ACAP2: variants seen among roughly 807,000 people sequenced by gnomAD.
ACAP2 encodes the protein ArfGAP with coiled-coil, ankyrin repeat and PH domains 2, also known as arf-GAP with coiled-coil, ANK repeat and PH domain-containing protein 2.
Under a neutral mutation model 115.8 loss-of-function variants are expected in ACAP2, and 39 were observed. That is an observed-to-expected ratio of 0.34 (90% confidence interval 0.26 to 0.44). The LOEUF is 0.44. Among genes scored for constraint, ACAP2 ranks in the 20% least tolerant of loss-of-function variants. The probability of loss-of-function intolerance (pLI) is 1.00; values close to 1 mark genes in which losing one functional copy is unlikely to be tolerated. For synonymous variants in ACAP2, 289 were observed against 315.8 expected (o/e 0.92, Z 0.90); for missense variants, 662 against 927.6 (o/e 0.71, Z 3.72).
intron 1 of ACAP2, among the ~76,000 whole-genome samples, chr3:195,407,201 A>T (rs1258608302): frequency 9.3e-5 from 3 of 32,318 alleles, no homozygotes. Flanking sequence ...TTTTTAGTTT[A>T]AAAAAAAAAA....
At chr3:195,388,747 C>T (rs912028460) in intron 2 of ACAP2, among the ~76,000 whole-genome samples, 2 of 152,168 alleles carry the variant, frequency 1.3e-5, no homozygotes, top group Non-Finnish European at 2.9e-5. Flanking sequence ...TTGAGCTGGG[C>T]ATGGGGGCTC....
At chr3:195,383,414 G>A (rs959282965) in intron 2 of ACAP2, among the ~76,000 whole-genome samples, 3 of 152,050 alleles carry the variant, frequency 2.0e-5, no homozygotes, top group Admixed American at 6.6e-5. Context: ...ACTCCAGCCA[G>A]TGGGGGAAAA....
chr3:195,283,769 C>CA (rs1726658808), intron 22 of ACAP2, among the ~76,000 whole-genome samples: 1 of 152,156 alleles, frequency 6.6e-6, no homozygotes, highest in African/African-American at 2.4e-5. Flanking sequence ...AGATGATCCT[C>CA]AAATAAATCA....
At chr3:195,289,008 A>G in intron 21 of ACAP2, 113 bp downstream of exon 21, 1 of 701,696 alleles carries the variant, frequency 1.4e-6, no homozygotes, top group Non-Finnish European at 2.4e-6. Context: ...AAGGGACATG[A>G]GCATATGTGG....
chr3:195,370,449 C>T lies in ACAP2; in HGVS notation c.285+10560G>A, dbSNP rs188323110. Among the ~76,000 whole-genome samples, 513 of 152,254 alleles carry T rather than the reference C, an allele frequency of 3.4e-3. 4 individuals are homozygous for T. Among genetic ancestry groups the T allele is most frequent in the Admixed American group, 8.9e-3 (136 of 15,266 alleles). On this transcript the variant is annotated intron_variant, in intron 4 of 22. Transcript: ENST00000326793. ...TATAAGGAAGGGGTCCAGTTTCAAT[C>T]TTCTGCACACGGCTAGCCAGTTATC...
intron 10 of ACAP2, 93 bp from the exon 11 acceptor site, chr3:195,308,930 C>T (rs1577274159): frequency 8.1e-7 from 1 of 1,228,614 alleles, no homozygotes; most frequent in East Asian, 2.5e-5. Context: ...CTGGAAATCA[C>T]ATTGTGTTAA....
rs142483725 is a variant in ACAP2 at position 195,363,824 on chromosome 3, T to C, written c.285+17185A>G. Among the ~76,000 whole-genome samples, 6 of 152,136 alleles carry C rather than the reference T, an allele frequency of 3.9e-5. No homozygotes were observed. The East Asian group carries it at 1.2e-3, about 29-fold the overall frequency. ...CAGAAACAAATCCATACATCTAAAG[T>C]GAACTCATTTTCGACAAAGGTGCCA... On this transcript the variant is annotated intron_variant, in intron 4 of 22. Transcript: ENST00000326793.
At position 195,302,167 on chromosome 3, in the gene ACAP2, T is replaced by C. The variant is rs1421292145; in HGVS notation, c.1124A>G (p.Asp375Gly). The change falls in exon 14 of 23, where the codon GAT becomes GGT. Residue 375 changes from aspartate (D) to glycine (G), a missense_variant. Physicochemically the swap from Asp to Gly is moderately conservative, Grantham distance 94. This residue lies in a region of ACAP2 where 401 missense variants were observed against 604.4 expected (regional missense o/e 0.66). Transcript: ENST00000326793. ...TCCTGTGGATGGAGATGATTTCTTATCCAGCTTCTAAAAGAATTAAGAATT... is the reference window on the plus strand; with the variant it reads ...TCCTGTGGATGGAGATGATTTCTTACCCAGCTTCTAAAAGAATTAAGAATT... ...REKGDESEKL[D>G]KKSSPSTGSL... The C allele has an allele frequency of 6.2e-6, 10 of 1,610,828 alleles. No individual in the cohort carries two copies. In the East Asian group the frequency reaches 1.6e-4, roughly 25 times the overall value.
At chr3:195,425,786 A>G (rs937861011) in intron 1 of ACAP2, among the ~76,000 whole-genome samples, 7 of 152,154 alleles carry the variant, frequency 4.6e-5, no homozygotes, top group Admixed American at 3.9e-4. Flanking sequence ...CGATTTTTTT[A>G]TTCTTCTAAT....
In ACAP2 at chr3:195,442,801, C is replaced by T; in HGVS notation, c.47G>A (p.Arg16His). 6.5e-7 allele frequency: 1 copy of T among 1,529,170 alleles called. No homozygotes were observed. Among genetic ancestry groups the T allele is most frequent in the Non-Finnish European group, 8.8e-7 (1 of 1,138,294 alleles). 94.7% of individuals were successfully genotyped at this position (1,529,170 alleles called of 1,614,324 possible). A position where few individuals can be genotyped will look rare whatever the true frequency, so the allele number is the denominator to read the frequency against. Residue 16 changes from arginine to histidine, a missense_variant, in exon 1 of 23, where the codon CGC becomes CAC. Physicochemically the swap from Arg to His is conservative, Grantham distance 29. Coordinates refer to ENST00000326793, the MANE Select transcript of ACAP2 (RefSeq NM_012287.6). The part of the protein sequence containing the change: ...DFEECLKDSP[R>H]FRAALEEVEG... Reference sequence around the variant, plus strand: ...GGGCGGCCGTGCCGGTTACCTGAAGCGGGGCGAGTCCTTCAGACACTCCTC... The same window carrying T: ...GGGCGGCCGTGCCGGTTACCTGAAGTGGGGCGAGTCCTTCAGACACTCCTC...
intron 1 of ACAP2, among the ~76,000 whole-genome samples, chr3:195,415,703 G>C (rs1713664203): frequency 2.0e-5 from 3 of 152,054 alleles, no homozygotes; most frequent in Admixed American, 1.3e-4. Context: ...TCAGATATAT[G>C]ACTTTATTGC....
chr3:195,324,694 T>C (rs1309202277), intron 9 of ACAP2, among the ~76,000 whole-genome samples: 4 of 151,772 alleles, frequency 2.6e-5, no homozygotes, highest in African/African-American at 7.3e-5. Flanking sequence ...GCGGAGGTTG[T>C]AGTGAGCAGA....
At position 195,326,912 on chromosome 3, in the gene ACAP2, C is replaced by T; in HGVS notation, c.717G>A (p.Glu239=). 6.2e-7 allele frequency: 1 copy of T among 1,613,924 alleles called. No homozygotes were observed. The highest frequency in any genetic ancestry group is 8.5e-7 in the Non-Finnish European group (1 of 1,179,956). ...VDAAKEKREM[E]QKHSTIQQKD... ...TTTGTTGAATGGTGGAATGTTTTTGCTCCATTTCTCTTTTCTCCTTTGCTG... is the reference window on the plus strand; with the variant it reads ...TTTGTTGAATGGTGGAATGTTTTTGTTCCATTTCTCTTTTCTCCTTTGCTG... Residue 239 remains glutamate, a synonymous_variant, in exon 9 of 23, where the codon GAG becomes GAA. Coordinates refer to ENST00000326793, the MANE Select transcript of ACAP2 (RefSeq NM_012287.6).
intron 22 of ACAP2, among the ~76,000 whole-genome samples, chr3:195,283,450 T>A (rs1055562824): frequency 1.3e-5 from 2 of 152,184 alleles, no homozygotes; most frequent in African/African-American, 2.4e-5. Flanking sequence ...CTCTTCATTA[T>A]CAAAAGATTA....
rs151214948 is a variant in ACAP2, at chr3:195,291,122, TA to T, written c.2063+583del. 1.8e-3 allele frequency among the ~76,000 whole-genome samples: 267 copies of T among 152,290 alleles called. 1 individual carries two copies. Among genetic ancestry groups the T allele is most frequent in the Non-Finnish European group, 3.2e-3 (215 of 68,006 alleles). On this transcript the variant is annotated intron_variant, in intron 20 of 22. Coordinates refer to ENST00000326793, the MANE Select transcript of ACAP2 (RefSeq NM_012287.6). ...GATATCTTATTAAGAAACAAGCGTT[TA>T]AGACACAAATTTTTCACATAAAGCC...
chr3:195,420,119 CCTTT>C (rs530114455), intron 1 of ACAP2, among the ~76,000 whole-genome samples: 70 of 152,164 alleles, frequency 4.6e-4, no homozygotes, highest in African/African-American at 1.6e-3. Flanking sequence ...CATATTTCCC[CCTTT>C]CTGTCAAGTT....
At chr3:195,350,339 G>A (rs1731471545) in intron 4 of ACAP2, among the ~76,000 whole-genome samples, 1 of 152,178 alleles carries the variant, frequency 6.6e-6, no homozygotes, top group Admixed American at 6.5e-5. Context: ...GAAAGCTACA[G>A]TAATCAATGA....
At position 195,297,376 on chromosome 3, in the gene ACAP2, A is replaced by T. The variant is rs1727723967; in HGVS notation, c.1396-95T>A. ...ATCCTTTAAGCAAGTACAGTTAACT[A>T]ATCCCCTTACACATTCTGCAGATGC... On this transcript the variant is annotated intron_variant, in intron 15 of 22. Transcript: ENST00000326793. The T allele has an allele frequency of 4.0e-6, 4 of 997,912 alleles. No individual in the cohort carries two copies. In the East Asian group the frequency reaches 1.0e-4, roughly 25 times the overall value. 61.8% of individuals were successfully genotyped at this position (997,912 alleles called of 1,614,324 possible). A position where few individuals can be genotyped will look rare whatever the true frequency, so the allele number is the denominator to read the frequency against.
chr3:195,291,099 T>C (rs1577242566), intron 20 of ACAP2, among the ~76,000 whole-genome samples: 1 of 152,170 alleles, frequency 6.6e-6, no homozygotes, highest in African/African-American at 2.4e-5. Flanking sequence ...TACCCTGAGA[T>C]ATCTTATTAA....
Sources: gnomAD v4.1 joint callset for allele counts (sites outside exome capture counted in the v4.1 genomes callset) on GRCh38, gnomAD v4.1.1 for gene constraint, gnomAD v4.1.1 regional missense constraint, MANE v1.5 for transcripts, NCBI Gene and HGNC (gene_info 2026-07-23, HGNC 2026-07-21) for gene names.